The following BTBD9 variants were observed in gnomAD, a reference collection of about 807,000 sequenced individuals.
The protein encoded by BTBD9 is BTB domain containing 9.
A neutral mutation model predicts 64.3 loss-of-function variants in BTBD9; 49 were observed. That is an observed-to-expected ratio of 0.76 (90% confidence interval 0.61 to 0.97). BTBD9 has a LOEUF of 0.97. BTBD9 is among the 50% of genes least tolerant of loss of function. The pLI, the probability that BTBD9 is intolerant of heterozygous loss-of-function variation, is 0.00. For missense variants in BTBD9, 598 were observed against 762.1 expected (o/e 0.78, Z 2.53); for synonymous variants, 260 against 274.7 (o/e 0.95, Z 0.53).
intron 7 of BTBD9, among the ~76,000 whole-genome samples, chr6:38,312,808 G>A (rs182388319): frequency 7.2e-4 from 110 of 152,304 alleles, no homozygotes; most frequent in African/African-American, 2.5e-3. Context: ...GGTTACCACA[G>A]TTCTGTAGTA....
intron 9 of BTBD9, among the ~76,000 whole-genome samples, chr6:38,216,807 T>C (rs1256909807): frequency 6.6e-6 from 1 of 152,088 alleles, no homozygotes; most frequent in Non-Finnish European, 1.5e-5. Context: ...GGGGTGTGCA[T>C]CCACAAGTGA....
At chr6:38,362,400 C>T (rs572639961) in intron 6 of BTBD9, among the ~76,000 whole-genome samples, 3 of 152,252 alleles carry the variant, frequency 2.0e-5, no homozygotes, top group East Asian at 1.9e-4. Context: ...GTACAGTACA[C>T]GGAATGCACT....
chr6:38,613,746 T>C (rs1203909375), intron 1 of BTBD9, among the ~76,000 whole-genome samples: 1 of 152,164 alleles, frequency 6.6e-6, no homozygotes, highest in Non-Finnish European at 1.5e-5. Flanking sequence ...GAATAAATGG[T>C]TAAGGGGTAC....
intron 9 of BTBD9, among the ~76,000 whole-genome samples, chr6:38,209,227 T>C (rs1387486586): frequency 2.6e-5 from 4 of 152,192 alleles, no homozygotes. Flanking sequence ...ATCACCCATC[T>C]GGTCCAAGGA....
intron 6 of BTBD9, among the ~76,000 whole-genome samples, chr6:38,465,273 C>CTGTT (rs1770292351): frequency 6.6e-6 from 1 of 151,264 alleles, no homozygotes; most frequent in Non-Finnish European, 1.5e-5. Flanking sequence ...CCAGCCTGGG[C>CTGTT]AACAGATAGA....
intron 6 of BTBD9, among the ~76,000 whole-genome samples, chr6:38,562,397 CA>C (rs1271142376): frequency 2.0e-5 from 3 of 152,014 alleles, no homozygotes; most frequent in Admixed American, 6.5e-5. Flanking sequence ...CGAAGTTTCT[CA>C]AAAAAAGTGA....
At chr6:38,221,013 G>A (rs1763179729) in intron 9 of BTBD9, among the ~76,000 whole-genome samples, 2 of 152,188 alleles carry the variant, frequency 1.3e-5, no homozygotes, top group Non-Finnish European at 2.9e-5. Context: ...TACTCAACCA[G>A]GGTTACGAGC....
chr6:38,446,210 T>TA (rs1161332245), intron 6 of BTBD9, among the ~76,000 whole-genome samples: 1 of 152,174 alleles, frequency 6.6e-6, no homozygotes, highest in Non-Finnish European at 1.5e-5. Context: ...TCAGTCAGTG[T>TA]AAACCATCAC....
At chr6:38,258,497 G>A (rs1280791142) in intron 8 of BTBD9, among the ~76,000 whole-genome samples, 1 of 152,218 alleles carries the variant, frequency 6.6e-6, no homozygotes, top group African/African-American at 2.4e-5. Context: ...CTTGAAGGCA[G>A]TGTCTACGTC....
chr6:38,602,761 T>G (rs1024955385), intron 1 of BTBD9, among the ~76,000 whole-genome samples: 13 of 151,140 alleles, frequency 8.6e-5, no homozygotes, highest in Non-Finnish European at 4.4e-5. Flanking sequence ...AAGACAGAAA[T>G]GGCAAGCAGA....
In BTBD9 at chr6:38,416,719, G is replaced by A. The variant is rs201653947; in HGVS notation, c.1155-71626C>T. On this transcript the variant is annotated intron_variant, in intron 6 of 10. Coordinates refer to ENST00000481247, the MANE Select transcript of BTBD9 (RefSeq NM_001099272.2). ...ACCTTATTCACATCTTTCAGTTTCC[G>A]CATTTAAATACAAAACATGGCTGAG... is the stretch of plus-strand genomic sequence containing the variant. Among the ~76,000 whole-genome samples the A allele has an allele frequency of 7.5e-4, 114 of 151,880 alleles. 3 individuals are homozygous for A. The South Asian group carries it at 0.021, about 28-fold the overall frequency.
At chr6:38,423,257 T>G (rs1479886929) in intron 6 of BTBD9, among the ~76,000 whole-genome samples, 3 of 152,066 alleles carry the variant, frequency 2.0e-5, no homozygotes, top group Non-Finnish European at 2.9e-5. Flanking sequence ...AGACAGAGAC[T>G]CTGTCCCCCC....
chr6:38,558,531 C>A (rs13203189), intron 6 of BTBD9, among the ~76,000 whole-genome samples: 2 of 151,944 alleles, frequency 1.3e-5, no homozygotes, highest in Non-Finnish European at 2.9e-5. Flanking sequence ...GGCTATGAGT[C>A]TGTCATAGAT....
At chr6:38,623,652 GACA>G (rs1478323625) in intron 1 of BTBD9, among the ~76,000 whole-genome samples, 1 of 152,198 alleles carries the variant, frequency 6.6e-6, no homozygotes, top group Admixed American at 6.5e-5. Flanking sequence ...TCTGAAATCA[GACA>G]ACGCCTCTCA....
chr6:38,500,678 C>T (rs1772156435), intron 6 of BTBD9, among the ~76,000 whole-genome samples: 1 of 152,156 alleles, frequency 6.6e-6, no homozygotes, highest in African/African-American at 2.4e-5. Context: ...AAGATAAGGA[C>T]AAGTCAAGAA....
At chr6:38,562,374 T>A (rs1040941236) in intron 6 of BTBD9, among the ~76,000 whole-genome samples, 41 of 152,218 alleles carry the variant, frequency 2.7e-4, no homozygotes, top group Non-Finnish European at 7.3e-5. Context: ...GGTACCTTTA[T>A]TTACCTTCAT....
chr6:38,541,741 GACA>G lies in BTBD9; in HGVS notation c.1154+35856_1154+35858del, dbSNP rs201664431. ...GACAGAGCAAGACTCCATCTCAAAC[GACA>G]ACAACAACAACAAAATTTTCATTCT... is the stretch of plus-strand genomic sequence containing the variant. On this transcript the variant is annotated intron_variant, in intron 6 of 10. Coordinates refer to ENST00000481247, the MANE Select transcript of BTBD9 (RefSeq NM_001099272.2). Among the ~76,000 whole-genome samples, 294 of 151,980 alleles carry G rather than the reference GACA, an allele frequency of 1.9e-3. 6 individuals carry two copies. The East Asian group carries it at 0.037, about 19-fold the overall frequency.
chr6:38,518,270 T>C (rs1582563618), intron 6 of BTBD9, among the ~76,000 whole-genome samples: 1 of 152,204 alleles, frequency 6.6e-6, no homozygotes, highest in Non-Finnish European at 1.5e-5. Flanking sequence ...TTACTAATTG[T>C]ATCAGTCCTA....
intron 9 of BTBD9, among the ~76,000 whole-genome samples, chr6:38,232,224 G>A (rs1205607842): frequency 6.6e-6 from 1 of 151,728 alleles, no homozygotes; most frequent in Non-Finnish European, 1.5e-5. Context: ...AGTCCTTCTT[G>A]TAAGGGTAGT....
Sources: gnomAD v4.1 joint callset for allele counts (sites outside exome capture counted in the v4.1 genomes callset) on GRCh38, gnomAD v4.1.1 for gene constraint, MANE v1.5 for transcripts, NCBI Gene and HGNC (gene_info 2026-07-23, HGNC 2026-07-21) for gene names.